BAIAP2L1: variants seen among roughly 807,000 people sequenced by gnomAD.
BAIAP2L1 encodes BAR/IMD domain containing adaptor protein 2 like 1, also known as BAR/IMD domain-containing adapter protein 2-like 1.
In BAIAP2L1, 35 loss-of-function variants were observed where a neutral mutation model predicts 66.3. The ratio of observed to expected loss-of-function variants is 0.53; its 90% CI spans 0.40 to 0.70. BAIAP2L1 has a LOEUF of 0.70. BAIAP2L1 is among the 30% of genes least tolerant of loss of function. BAIAP2L1 has a pLI of 0.00. For missense variants in BAIAP2L1, 622 were observed against 656.9 expected (o/e 0.95, Z 0.58); for synonymous variants, 269 against 248.7 (o/e 1.08, Z -0.77).
intron 12 of BAIAP2L1, among the ~76,000 whole-genome samples, chr7:98,296,400 C>T (rs1021700926): frequency 1.3e-5 from 2 of 152,106 alleles, no homozygotes; most frequent in East Asian, 1.9e-4. Context: ...CTGAGGTGGG[C>T]GCATCACCTG....
rs183616606 is a variant in BAIAP2L1, at chr7:98,377,902, C to T, written c.52-15470G>A. On this transcript the variant is annotated intron_variant, in intron 1 of 13. Transcript: ENST00000005260. ...CAGCACTTTGGGAGGCCGAGACGGG[C>T]GGATCACCTGAGGTCAGGAGTTCGA... Among the ~76,000 whole-genome samples the T allele has an allele frequency of 1.3e-3, 182 of 138,152 alleles. 1 individual carries two copies. The highest frequency in any genetic ancestry group is 4.5e-3 in the African/African-American group (165 of 36,700). The allele number at this position is 138,152 out of a possible 152,430, so 90.6% of individuals were successfully genotyped here. A position where few individuals can be genotyped will look rare whatever the true frequency, so the allele number is the denominator to read the frequency against.
At chr7:98,304,077 G>A (rs537870100) in intron 12 of BAIAP2L1, 119 bp downstream of exon 12, 21 of 1,097,652 alleles carry the variant, frequency 1.9e-5, no homozygotes, top group African/African-American at 3.2e-5. Context: ...CCTCCTCCCC[G>A]GGGACACCAC....
chr7:98,352,462 T>G (rs1005515736), intron 3 of BAIAP2L1, among the ~76,000 whole-genome samples: 15 of 152,026 alleles, frequency 9.9e-5, no homozygotes, highest in Non-Finnish European at 2.1e-4. Context: ...GCCAAGATGG[T>G]GAAACCATGT....
rs769478713 is a variant in BAIAP2L1, at chr7:98,362,307, A to G, written c.127+50T>C. On this transcript the variant is annotated intron_variant, in intron 2 of 13. Transcript: ENST00000005260. ...ATACTAAGCATTTAAAAATAATTACATATTTACTGAGTGGCTTTATATATA... is the reference window on the plus strand; with the variant it reads ...ATACTAAGCATTTAAAAATAATTACGTATTTACTGAGTGGCTTTATATATA... 132 of 1,357,662 alleles carry G rather than the reference A, an allele frequency of 9.7e-5. 1 individual carries two copies. In the Middle Eastern group the frequency reaches 3.7e-3, roughly 38 times the overall value. 84.1% of individuals were successfully genotyped at this position (1,357,662 alleles called of 1,614,324 possible). A position where few individuals can be genotyped will look rare whatever the true frequency, so the allele number is the denominator to read the frequency against.
intron 1 of BAIAP2L1, among the ~76,000 whole-genome samples, chr7:98,375,122 G>C (rs866424614): frequency 1.3e-5 from 2 of 151,772 alleles, no homozygotes; most frequent in Non-Finnish European, 2.9e-5. Context: ...AAGGCCAGGC[G>C]TGGTGGCTCA....
intron 1 of BAIAP2L1, among the ~76,000 whole-genome samples, chr7:98,387,553 A>G (rs78101032): frequency 0.012 from 1,758 of 152,246 alleles, 39 homozygotes; most frequent in African/African-American, 0.041. Context: ...CGCCACCACG[A>G]TAAGGGATTA....
chr7:98,342,537 T>C (rs114726294), intron 3 of BAIAP2L1, among the ~76,000 whole-genome samples: 200 of 152,348 alleles, frequency 1.3e-3, no homozygotes, highest in African/African-American at 4.6e-3. Flanking sequence ...AAATATTCTG[T>C]TTTGTGCCCA....
chr7:98,400,631 G>A (rs1176679762), intron 1 of BAIAP2L1, among the ~76,000 whole-genome samples, 171 bp downstream of exon 1: 1 of 145,076 alleles, frequency 6.9e-6, no homozygotes, highest in Non-Finnish European at 1.5e-5. Flanking sequence ...GCCAGGGGAG[G>A]AAGAAGAGGG....
At chr7:98,307,399 C>G (rs1182641966) in intron 10 of BAIAP2L1, 2 of 1,236,186 alleles carry the variant, frequency 1.6e-6, no homozygotes, top group Non-Finnish European at 2.0e-6. Flanking sequence ...AGCCACTGCA[C>G]TGGCCAAATG....
intron 1 of BAIAP2L1, among the ~76,000 whole-genome samples, chr7:98,391,036 G>T (rs1379673810): frequency 2.0e-5 from 3 of 150,798 alleles, no homozygotes; most frequent in Non-Finnish European, 2.9e-5. Context: ...TAGAAATGGG[G>T]TTTCACCATG....
chr7:98,370,744 G>C (rs1051539089), intron 1 of BAIAP2L1, among the ~76,000 whole-genome samples: 3 of 151,294 alleles, frequency 2.0e-5, no homozygotes, highest in African/African-American at 7.4e-5. Context: ...CTCATGATCC[G>C]TCCGCCTCGG....
At chr7:98,335,152 CAAAAA>C (rs59557441) in intron 3 of BAIAP2L1, among the ~76,000 whole-genome samples, 1,846 of 54,604 alleles carry the variant, frequency 0.034, 49 homozygotes, top group African/African-American at 0.099. Flanking sequence ...GACTCCATCT[CAAAAA>C]AAAAAAAAAA....
At chr7:98,333,074 T>C (rs1480120615) in intron 3 of BAIAP2L1, among the ~76,000 whole-genome samples, 1 of 152,146 alleles carries the variant, frequency 6.6e-6, no homozygotes, top group Non-Finnish European at 1.5e-5. Context: ...CCCAGACACC[T>C]GCCTGATGAG....
At chr7:98,347,023 A>AC (rs1281563069) in intron 3 of BAIAP2L1, among the ~76,000 whole-genome samples, 2 of 148,434 alleles carry the variant, frequency 1.3e-5, no homozygotes, top group Admixed American at 1.3e-4. Flanking sequence ...AACAACAACA[A>AC]AACAAAACAA....
intron 12 of BAIAP2L1, among the ~76,000 whole-genome samples, chr7:98,295,874 A>G (rs1800167977): frequency 6.6e-6 from 1 of 152,210 alleles, no homozygotes. Flanking sequence ...TCCTGCCAGG[A>G]GGACTGAGGA....
At chr7:98,312,494 T>C (rs1800909030) in intron 7 of BAIAP2L1, among the ~76,000 whole-genome samples, 2 of 152,056 alleles carry the variant, frequency 1.3e-5, no homozygotes, top group African/African-American at 4.8e-5. Flanking sequence ...TCCCTCAGTG[T>C]GAATACAGAG....
At chr7:98,385,734 T>G in intron 1 of BAIAP2L1, 1 of 1,274,608 alleles carries the variant, frequency 7.8e-7, no homozygotes, top group South Asian at 1.3e-5. Flanking sequence ...ATTTCTTTTT[T>G]TTGTTGTTTT....
chr7:98,361,854 C>A (rs1368009304), intron 2 of BAIAP2L1, among the ~76,000 whole-genome samples: 2 of 152,120 alleles, frequency 1.3e-5, no homozygotes, highest in Admixed American at 1.3e-4. Flanking sequence ...TCCCGCCACA[C>A]ACTCCTGAGT....
chr7:98,359,962 G>T (rs568341765), intron 2 of BAIAP2L1, among the ~76,000 whole-genome samples: 32 of 148,594 alleles, frequency 2.2e-4, no homozygotes, highest in African/African-American at 7.7e-4. Flanking sequence ...TCACTCTGTT[G>T]CCCAGGCTGG....
Sources: allele counts gnomAD v4.1 joint callset (sites outside exome capture counted in the v4.1 genomes callset), GRCh38; gene constraint gnomAD v4.1.1; transcripts MANE v1.5; gene names NCBI Gene and HGNC (gene_info 2026-07-23, HGNC 2026-07-21).